HS6ST3: variants seen among roughly 807,000 people sequenced by gnomAD.
HS6ST3 encodes heparan sulfate 6-O-sulfotransferase 3.
In HS6ST3, 12 loss-of-function variants were observed where a neutral mutation model predicts 36.7. That is an observed-to-expected ratio of 0.33 (90% CI 0.21 to 0.53). The LOEUF is 0.53. Ranked by LOEUF, HS6ST3 falls within the 20% of genes least tolerant of loss-of-function variation. The pLI, the probability that HS6ST3 is intolerant of heterozygous loss-of-function variation, is 0.95. For synonymous variants in HS6ST3, 240 were observed against 257.5 expected, an observed-to-expected ratio of 0.93 and a Z score of 0.65; for missense variants, 584 against 640.9, an observed-to-expected ratio of 0.91 and a Z score of 0.96.
At chr13:96,093,904 T>G (rs2053777281) in intron 1 of HS6ST3, among the ~76,000 whole-genome samples, 1 of 152,142 alleles carries the variant, frequency 6.6e-6, no homozygotes, top group African/African-American at 2.4e-5. Flanking sequence ...TGGCAGATAA[T>G]CTATTGGTAC....
intron 1 of HS6ST3, among the ~76,000 whole-genome samples, chr13:96,704,058 G>A (rs1282149003): frequency 6.6e-6 from 1 of 152,132 alleles, no homozygotes; most frequent in Non-Finnish European, 1.5e-5. Context: ...TAAATTGTCT[G>A]TCCTCAGGCA....
At chr13:96,829,479 C>T (rs1385127070) in intron 1 of HS6ST3, among the ~76,000 whole-genome samples, 3 of 152,084 alleles carry the variant, frequency 2.0e-5, no homozygotes, top group Admixed American at 6.5e-5. Flanking sequence ...TCTCCCTCCT[C>T]GCACCCCCCA....
At chr13:96,304,703 C>CT (rs1566317864) in intron 1 of HS6ST3, among the ~76,000 whole-genome samples, 13 of 93,594 alleles carry the variant, frequency 1.4e-4, no homozygotes, top group African/African-American at 4.6e-4. Flanking sequence ...TTCTTTCTTT[C>CT]TTTCTTTCTT....
chr13:96,671,379 T>C (rs2138431305), intron 1 of HS6ST3, among the ~76,000 whole-genome samples: 1 of 152,256 alleles, frequency 6.6e-6, no homozygotes, highest in Non-Finnish European at 1.5e-5. Flanking sequence ...TCCCTTCAAC[T>C]GAAGTTATGC....
chr13:96,349,153 A>G (rs2055169731), intron 1 of HS6ST3, among the ~76,000 whole-genome samples: 1 of 152,220 alleles, frequency 6.6e-6, no homozygotes, highest in East Asian at 1.9e-4. Context: ...CTGAATTGCA[A>G]TAATGATAAA....
At chr13:96,527,364 C>T (rs554920468) in intron 1 of HS6ST3, among the ~76,000 whole-genome samples, 27 of 152,138 alleles carry the variant, frequency 1.8e-4, no homozygotes, top group African/African-American at 4.3e-4. Context: ...TTAATCTATT[C>T]GGATAATAAG....
chr13:96,274,042 A>G (rs1398918914), intron 1 of HS6ST3, among the ~76,000 whole-genome samples: 1 of 138,964 alleles, frequency 7.2e-6, no homozygotes, highest in African/African-American at 2.7e-5. Flanking sequence ...TCTTTTCTTT[A>G]TTTGATTCTT....
At chr13:96,498,708 T>C (rs917189311) in intron 1 of HS6ST3, among the ~76,000 whole-genome samples, 3 of 152,226 alleles carry the variant, frequency 2.0e-5, no homozygotes. Flanking sequence ...ACTGTTCTTT[T>C]AGTTACTTAT....
chr13:96,739,717 G>A (rs1239259140), intron 1 of HS6ST3, among the ~76,000 whole-genome samples: 3 of 152,012 alleles, frequency 2.0e-5, no homozygotes, highest in East Asian at 3.9e-4. Flanking sequence ...TAATGGTCAC[G>A]CCACTCCTCT....
rs182975025 is a variant in HS6ST3, at chr13:96,121,862, A to T, written c.707+30293A>T. 2.6e-5 allele frequency among the ~76,000 whole-genome samples: 4 copies of T among 152,238 alleles called. No homozygotes were observed. In the East Asian group the frequency reaches 7.7e-4, roughly 29 times the overall value. ...TGTTACTCCATGTTGGTTACTAATT[A>T]TTGCTTTATATACTGTAATTTTTAC... On this transcript the variant is annotated intron_variant, in intron 1 of 1. Transcript: ENST00000376705.
chr13:96,216,704 G>T (rs1292469995), intron 1 of HS6ST3, among the ~76,000 whole-genome samples: 1 of 152,124 alleles, frequency 6.6e-6, no homozygotes, highest in African/African-American at 2.4e-5. Flanking sequence ...CCCAGAGGAA[G>T]CTTGGAGGCT....
intron 1 of HS6ST3, among the ~76,000 whole-genome samples, chr13:96,259,273 G>A (rs1452717636): frequency 6.6e-6 from 1 of 152,104 alleles, no homozygotes; most frequent in Non-Finnish European, 1.5e-5. Flanking sequence ...TTCAAGACAT[G>A]ATAAGGCACC....
intron 1 of HS6ST3, among the ~76,000 whole-genome samples, chr13:96,675,976 G>A (rs1450240378): frequency 6.6e-6 from 1 of 152,026 alleles, no homozygotes. Context: ...CACCCTATAG[G>A]GTCAGTCAGC....
intron 1 of HS6ST3, among the ~76,000 whole-genome samples, chr13:96,481,102 C>G (rs886986118): frequency 2.0e-5 from 3 of 152,124 alleles, no homozygotes; most frequent in Non-Finnish European, 4.4e-5. Context: ...TTGATATTCT[C>G]TGCATAATAA....
At chr13:96,411,197 T>G (rs1338073285) in intron 1 of HS6ST3, among the ~76,000 whole-genome samples, 1 of 152,160 alleles carries the variant, frequency 6.6e-6, no homozygotes, top group Non-Finnish European at 1.5e-5. Context: ...AGGAATAACC[T>G]CTTAGCCACC....
intron 1 of HS6ST3, among the ~76,000 whole-genome samples, chr13:96,623,764 C>T (rs1219146549): frequency 3.9e-5 from 6 of 151,976 alleles, no homozygotes; most frequent in East Asian, 1.9e-4. Context: ...ACAGGGTGCC[C>T]GGGTGAGAGA....
chr13:96,278,506 G>A (rs1363221021), intron 1 of HS6ST3, among the ~76,000 whole-genome samples: 2 of 152,136 alleles, frequency 1.3e-5, no homozygotes, highest in South Asian at 2.1e-4. Context: ...CTAATTTGAA[G>A]TCTTTATATA....
intron 1 of HS6ST3, among the ~76,000 whole-genome samples, chr13:96,390,073 G>A (rs2139451071): frequency 6.6e-6 from 1 of 151,846 alleles, no homozygotes; most frequent in Non-Finnish European, 1.5e-5. Flanking sequence ...TAAATTAATT[G>A]TTTGCCATTT....
chr13:96,256,551 G>T (rs1301809636), intron 1 of HS6ST3, among the ~76,000 whole-genome samples: 1 of 152,192 alleles, frequency 6.6e-6, no homozygotes. Flanking sequence ...CAGCCAGCTG[G>T]TAGTACATGC....
Sources: gnomAD v4.1 joint callset for allele counts (sites outside exome capture counted in the v4.1 genomes callset) on GRCh38, gnomAD v4.1.1 for gene constraint, MANE v1.5 for transcripts, NCBI Gene and HGNC (gene_info 2026-07-23, HGNC 2026-07-21) for gene names.